Variants in APBA2 observed in about 807,000 individuals in gnomAD.
APBA2 encodes the protein amyloid beta precursor protein binding family A member 2.
Under a neutral mutation model 75.0 loss-of-function variants are expected in APBA2, and 30 were observed. That is an observed-to-expected ratio of 0.40 (90% CI 0.30 to 0.54). APBA2 has a LOEUF of 0.54. APBA2 is among the 20% of genes least tolerant of loss of function. The probability of loss-of-function intolerance (pLI) is 0.49; values close to 1 mark genes in which losing one functional copy is unlikely to be tolerated. For missense variants in APBA2, 801 were observed against 1,016.1 expected (o/e 0.79, Z 2.88); for synonymous variants, 444 against 409.6 (o/e 1.08, Z -1.01).
intron 2 of APBA2, among the ~76,000 whole-genome samples, chr15:28,983,571 C>CA (rs2037737866): frequency 6.6e-6 from 1 of 152,206 alleles, no homozygotes; most frequent in African/African-American, 2.4e-5. Context: ...CTGAAGCTCC[C>CA]AAGGCATGTA....
At position 28,918,443 on chromosome 15, in the gene APBA2, A is replaced by T. The variant is rs1329809682; in HGVS notation, c.-204-3197A>T. Among the ~76,000 whole-genome samples, 1 of 152,204 alleles carries T rather than the reference A, an allele frequency of 6.6e-6. No homozygotes were observed. Among genetic ancestry groups the T allele is most frequent in the East Asian group, 1.9e-4 (1 of 5,180 alleles). ...CCAGGCCCCGAGTCCCTGTCCTTGG[A>T]GGAAGCAGGACTCCCAGGTGGGAGA... On this transcript the variant is annotated intron_variant, in intron 1 of 14. Coordinates refer to ENST00000683413, the MANE Select transcript of APBA2 (RefSeq NM_001353788.2). This position sits in a 1 kb window ranked among gnomAD's most constrained non-coding sequence, Gnocchi z 4.2.
intron 2 of APBA2, among the ~76,000 whole-genome samples, chr15:28,943,757 GC>G: frequency 6.6e-6 from 1 of 152,198 alleles, no homozygotes; most frequent in African/African-American, 2.4e-5. Context: ...GGCTCCTCCA[GC>G]CCTGGCTCCT....
intron 2 of APBA2, among the ~76,000 whole-genome samples, chr15:28,927,829 G>C (rs2034354355): frequency 6.6e-6 from 1 of 151,862 alleles, no homozygotes; most frequent in African/African-American, 2.4e-5. Context: ...CCCGTCAAAG[G>C]CATTCTTCAT....
intron 2 of APBA2, among the ~76,000 whole-genome samples, chr15:28,995,529 A>G (rs113274303): frequency 1.3e-5 from 2 of 152,188 alleles, no homozygotes; most frequent in Non-Finnish European, 2.9e-5. Flanking sequence ...TGCCCAACAC[A>G]TTGTTCTTAA....
chr15:29,008,628 G>A (rs899938025), intron 3 of APBA2, among the ~76,000 whole-genome samples: 1 of 152,138 alleles, frequency 6.6e-6, no homozygotes, highest in Non-Finnish European at 1.5e-5. Flanking sequence ...AGGGTCCTTT[G>A]AGCCTGGAAG....
chr15:28,955,025 G>A (rs940299146), intron 2 of APBA2, among the ~76,000 whole-genome samples: 2 of 152,224 alleles, frequency 1.3e-5, no homozygotes, highest in Non-Finnish European at 2.9e-5. Flanking sequence ...CAGCCCCATT[G>A]CTCACGGTTC....
rs2041355698 is a variant in APBA2 at position 29,046,789 on chromosome 15, C to T, written c.-40-7056C>T. Among the ~76,000 whole-genome samples, 1 of 152,200 alleles carries T rather than the reference C, an allele frequency of 6.6e-6. No homozygotes were observed. On this transcript the variant is annotated intron_variant, in intron 3 of 14. Transcript: ENST00000683413. This position sits in a 1 kb window ranked among gnomAD's most constrained non-coding sequence, Gnocchi z 5.0. The stretch of plus-strand genomic sequence containing the variant: ...CTCTCCCTGCTTTCCTCAGTCCCTC[C>T]AAGATGCACCCATATCCCACTGCAG...
At chr15:29,093,024 G>T (rs777823384) in intron 6 of APBA2, 51 bp from the exon 7 acceptor site, 7 of 1,612,276 alleles carry the variant, frequency 4.3e-6, no homozygotes, top group Admixed American at 3.3e-5. Flanking sequence ...CAAGTTCTTT[G>T]TTCAGGGGAC....
At chr15:28,951,002 C>T (rs957124167) in intron 2 of APBA2, among the ~76,000 whole-genome samples, 5 of 152,038 alleles carry the variant, frequency 3.3e-5, no homozygotes, top group African/African-American at 1.2e-4. Flanking sequence ...TTTTTGAGTA[C>T]AGTCAGTTGG....
chr15:28,997,014 A>T (rs1315095287), intron 3 of APBA2, among the ~76,000 whole-genome samples: 1 of 152,166 alleles, frequency 6.6e-6, no homozygotes, highest in Non-Finnish European at 1.5e-5. Context: ...GGCTATTTGA[A>T]GCCACCCAAA....
chr15:29,096,766 T>C (rs552537507), intron 8 of APBA2, among the ~76,000 whole-genome samples: 2 of 152,372 alleles, frequency 1.3e-5, no homozygotes, highest in East Asian at 3.9e-4. Context: ...AATTAAATCA[T>C]AGTTTTTGCT....
chr15:29,023,853 T>A (rs2040080054), intron 3 of APBA2, among the ~76,000 whole-genome samples: 1 of 151,978 alleles, frequency 6.6e-6, no homozygotes, highest in Non-Finnish European at 1.5e-5. Flanking sequence ...CATATTTGCT[T>A]AGATTTGTTG....
intron 10 of APBA2, among the ~76,000 whole-genome samples, chr15:29,103,966 TGC>T (rs1389409631): frequency 1.3e-5 from 2 of 152,166 alleles, no homozygotes; most frequent in Non-Finnish European, 2.9e-5. Context: ...GCTGGGTCTG[TGC>T]GCGCGGCAGA....
At chr15:29,044,024 G>T (rs1168946198) in intron 3 of APBA2, among the ~76,000 whole-genome samples, 1 of 152,188 alleles carries the variant, frequency 6.6e-6, no homozygotes, top group African/African-American at 2.4e-5. Flanking sequence ...ATATTTGAAA[G>T]GAACAAAATA....
intron 12 of APBA2, 39 bp downstream of exon 12, chr15:29,106,858 A>G: frequency 6.4e-6 from 10 of 1,572,732 alleles, no homozygotes; most frequent in Non-Finnish European, 8.7e-6. Flanking sequence ...GGTCACCTCA[A>G]CCCTGCCTCA....
intron 2 of APBA2, among the ~76,000 whole-genome samples, chr15:28,936,704 T>G (rs2034891598): frequency 6.6e-6 from 1 of 152,196 alleles, no homozygotes; most frequent in Non-Finnish European, 1.5e-5. Flanking sequence ...GCTCCCTGAC[T>G]GGGCTGTGCC....
intron 14 of APBA2, among the ~76,000 whole-genome samples, chr15:29,115,525 G>C (rs74007087): frequency 0.035 from 5,316 of 152,258 alleles, 154 homozygotes; most frequent in East Asian, 0.12. Flanking sequence ...CCCCACACCT[G>C]TGAGGAAATC....
At chr15:28,889,025 G>A (rs575608602) in intron 1 of APBA2, among the ~76,000 whole-genome samples, 32 of 152,120 alleles carry the variant, frequency 2.1e-4, no homozygotes, top group Admixed American at 4.6e-4. Flanking sequence ...GGGGCTGGGG[G>A]TGCTCTTTGT....
chr15:29,058,359 A>T (rs1163757876), intron 4 of APBA2, among the ~76,000 whole-genome samples: 1 of 152,056 alleles, frequency 6.6e-6, no homozygotes, highest in East Asian at 1.9e-4. Context: ...AAAAATATAA[A>T]AATTAGATGG....
Sources: gnomAD v4.1 joint callset for allele counts (sites outside exome capture counted in the v4.1 genomes callset) on GRCh38, gnomAD v4.1.1 for gene constraint, Gnocchi (gnomAD v3.1) non-coding constraint, MANE v1.5 for transcripts, NCBI Gene and HGNC (gene_info 2026-07-23, HGNC 2026-07-21) for gene names.